SNTG1: variants seen among roughly 807,000 people sequenced by gnomAD.
SNTG1 encodes gamma-1-syntrophin.
A neutral mutation model predicts 74.7 loss-of-function variants in SNTG1; 39 were observed. That is an observed-to-expected ratio of 0.52 (90% CI 0.40 to 0.68). The LOEUF (loss-of-function observed/expected upper bound fraction) is 0.68, where lower values mean the gene tolerates loss of function less well. Among genes scored for constraint, SNTG1 ranks in the 30% least tolerant of loss-of-function variants. SNTG1 has a pLI of 0.00. For synonymous variants in SNTG1, 254 were observed against 217.1 expected, an observed-to-expected ratio of 1.17 and a Z score of -1.49; for missense variants, 685 against 609.5, an observed-to-expected ratio of 1.12 and a Z score of -1.30.
intron 1 of SNTG1, among the ~76,000 whole-genome samples, chr8:50,021,668 C>A (rs894021723): frequency 2.6e-5 from 4 of 151,930 alleles, no homozygotes; most frequent in Non-Finnish European, 5.9e-5. Flanking sequence ...GGCATGGTGC[C>A]CCAAGCCCAA....
intron 2 of SNTG1, among the ~76,000 whole-genome samples, chr8:50,291,323 G>C (rs952881889): frequency 1.3e-5 from 2 of 151,946 alleles, no homozygotes; most frequent in African/African-American, 4.8e-5. Flanking sequence ...AAACAGGGTA[G>C]AAGGAAAGAG....
At chr8:50,143,306 T>G (rs2081739859) in intron 1 of SNTG1, among the ~76,000 whole-genome samples, 1 of 152,158 alleles carries the variant, frequency 6.6e-6, no homozygotes, top group Non-Finnish European at 1.5e-5. Flanking sequence ...AAGTTTTGCC[T>G]TGCTATATTT....
chr8:50,315,785 C>G (rs577411728), intron 2 of SNTG1, among the ~76,000 whole-genome samples: 3 of 152,254 alleles, frequency 2.0e-5, no homozygotes, highest in African/African-American at 7.2e-5. Flanking sequence ...CATCAAAGCT[C>G]TGCTATTGTT....
At chr8:50,527,369 A>G (rs1202090905) in intron 9 of SNTG1, among the ~76,000 whole-genome samples, 1 of 152,068 alleles carries the variant, frequency 6.6e-6, no homozygotes, top group Non-Finnish European at 1.5e-5. Flanking sequence ...CCTCTCTAAG[A>G]CATACTTGCC....
intron 1 of SNTG1, among the ~76,000 whole-genome samples, chr8:50,062,051 T>A (rs1820519807): frequency 6.6e-6 from 1 of 152,164 alleles, no homozygotes; most frequent in South Asian, 2.1e-4. Flanking sequence ...TTTTTGTGTT[T>A]TTTTGTTTTT....
chr8:50,146,980 TAAC>T (rs1028103755), intron 1 of SNTG1, among the ~76,000 whole-genome samples: 1 of 152,200 alleles, frequency 6.6e-6, no homozygotes, highest in Admixed American at 6.5e-5. Context: ...CTTATTCTCT[TAAC>T]AATGTGTTTC....
intron 1 of SNTG1, among the ~76,000 whole-genome samples, chr8:49,950,716 G>A (rs888848163): frequency 1.3e-5 from 2 of 152,126 alleles, no homozygotes; most frequent in African/African-American, 4.8e-5. Flanking sequence ...AAGAAAAAGG[G>A]TATGTTTGAT....
intron 15 of SNTG1, among the ~76,000 whole-genome samples, chr8:50,689,552 A>T (rs2095368215): frequency 6.6e-6 from 1 of 152,162 alleles, no homozygotes; most frequent in Non-Finnish European, 1.5e-5. Flanking sequence ...GATTAAATTT[A>T]TTGATTTGCA....
At chr8:50,231,535 G>A (rs1280945442) in intron 2 of SNTG1, among the ~76,000 whole-genome samples, 4 of 151,300 alleles carry the variant, frequency 2.6e-5, no homozygotes, top group South Asian at 2.1e-4. Context: ...TATGGAAAAT[G>A]CAACACTATT....
intron 1 of SNTG1, among the ~76,000 whole-genome samples, chr8:50,060,276 C>A (rs114970387): frequency 6.6e-6 from 1 of 152,130 alleles, no homozygotes; most frequent in African/African-American, 2.4e-5. Flanking sequence ...TCAGATAAAG[C>A]ACCATATCAG....
At chr8:50,051,265 CACACAA>C (rs1241549632) in intron 1 of SNTG1, among the ~76,000 whole-genome samples, 2 of 151,418 alleles carry the variant, frequency 1.3e-5, no homozygotes, top group African/African-American at 4.9e-5. Context: ...CACACACACA[CACACAA>C]ACAAACAAGA....
At chr8:50,526,352 C>T (rs2094219411) in intron 9 of SNTG1, among the ~76,000 whole-genome samples, 1 of 152,142 alleles carries the variant, frequency 6.6e-6, no homozygotes, top group Non-Finnish European at 1.5e-5. Context: ...TACTTCTGAT[C>T]ACACCAAGTT....
intron 2 of SNTG1, among the ~76,000 whole-genome samples, chr8:50,263,950 A>G (rs1380343605): frequency 1.3e-5 from 2 of 152,220 alleles, no homozygotes; most frequent in East Asian, 3.9e-4. Flanking sequence ...ACAAGCTTCA[A>G]TACATGTAAG....
intron 18 of SNTG1, among the ~76,000 whole-genome samples, chr8:50,778,065 G>C (rs977586379): frequency 6.6e-6 from 1 of 152,164 alleles, no homozygotes; most frequent in Admixed American, 6.5e-5. Context: ...GTATTCCATG[G>C]TGTATATGTG....
chr8:49,944,324 T>G (rs1808961738), intron 1 of SNTG1, among the ~76,000 whole-genome samples: 1 of 152,132 alleles, frequency 6.6e-6, no homozygotes, highest in African/African-American at 2.4e-5. Context: ...TAATGGAATT[T>G]GCTACATCCT....
At chr8:50,609,963 T>C (rs547777285) in intron 13 of SNTG1, among the ~76,000 whole-genome samples, 2 of 152,266 alleles carry the variant, frequency 1.3e-5, no homozygotes, top group South Asian at 4.1e-4. Flanking sequence ...TGTTTTTTCA[T>C]CCAGAGTCAG....
chr8:50,783,227 C>A (rs1213872777), intron 18 of SNTG1, among the ~76,000 whole-genome samples: 2 of 152,204 alleles, frequency 1.3e-5, no homozygotes, highest in Non-Finnish European at 2.9e-5. Context: ...CTCTTCAAAG[C>A]TGTCAGACAG....
At chr8:50,669,256 G>T (rs1037634395) in intron 15 of SNTG1, among the ~76,000 whole-genome samples, 1 of 151,934 alleles carries the variant, frequency 6.6e-6, no homozygotes, top group African/African-American at 2.4e-5. Context: ...TCCAGGAGAT[G>T]GTTTTTTCAA....
At chr8:50,131,994 A>G (rs904593386) in intron 1 of SNTG1, among the ~76,000 whole-genome samples, 4 of 152,054 alleles carry the variant, frequency 2.6e-5, no homozygotes, top group Admixed American at 6.6e-5. Context: ...CCACATATGC[A>G]TGTGCTTATT....
Sources: allele counts gnomAD v4.1 joint callset (sites outside exome capture counted in the v4.1 genomes callset), GRCh38; gene constraint gnomAD v4.1.1; transcripts MANE v1.5; gene names NCBI Gene and HGNC (gene_info 2026-07-23, HGNC 2026-07-21).